TRMT1L: variants seen among roughly 807,000 people sequenced by gnomAD.
TRMT1L encodes the protein tRNA methyltransferase 1L.
In TRMT1L, 28 loss-of-function variants were observed where a neutral mutation model predicts 81.6. The ratio of observed to expected loss-of-function variants is 0.34; its 90% confidence interval spans 0.25 to 0.47. The LOEUF (loss-of-function observed/expected upper bound fraction) is 0.47, where lower values mean the gene tolerates loss of function less well. Ranked by LOEUF, TRMT1L falls within the 20% of genes least tolerant of loss-of-function variation. The probability of loss-of-function intolerance (pLI) is 1.00; values close to 1 mark genes in which losing one functional copy is unlikely to be tolerated. For synonymous variants in TRMT1L, 301 were observed against 303.2 expected, an observed-to-expected ratio of 0.99 and a Z score of 0.07; for missense variants, 739 against 877.1, an observed-to-expected ratio of 0.84 and a Z score of 1.99.
In TRMT1L at chr1:185,139,589, G is replaced by C. The variant is rs781762059; in HGVS notation, c.1110-10C>G. The C allele has an allele frequency of 6.3e-7, 1 of 1,586,754 alleles. No individual in the cohort carries two copies. The stretch of plus-strand genomic sequence containing the variant: ...AAAAGGGTCTAGATGTCTAAAATCA[G>C]AAAGAATATAGACATTTTAAAGTCA... On this transcript the variant is annotated splice_polypyrimidine_tract_variant and intron_variant, in intron 8 of 14. Transcript: ENST00000367506.
intron 3 of TRMT1L, among the ~76,000 whole-genome samples, chr1:185,149,568 T>A (rs924184002): frequency 2.0e-5 from 3 of 152,100 alleles, no homozygotes; most frequent in African/African-American, 7.2e-5. Context: ...CTTCCCAAAG[T>A]GCTGAGATTA....
intron 1 of TRMT1L, among the ~76,000 whole-genome samples, chr1:185,152,232 C>A (rs1653378272): frequency 1.3e-5 from 2 of 152,200 alleles, no homozygotes; most frequent in African/African-American, 2.4e-5. Flanking sequence ...TGTTTTCTAT[C>A]TTCAAAGAAC....
At chr1:185,133,470 G>A (rs892688171) in intron 10 of TRMT1L, among the ~76,000 whole-genome samples, 1 of 152,026 alleles carries the variant, frequency 6.6e-6, no homozygotes, top group African/African-American at 2.4e-5. Flanking sequence ...GTAGGCACTG[G>A]TTCTAGAGAC....
At chr1:185,152,291 G>A (rs764805945) in intron 1 of TRMT1L, among the ~76,000 whole-genome samples, 34 of 152,210 alleles carry the variant, frequency 2.2e-4, no homozygotes, top group Non-Finnish European at 4.3e-4. Flanking sequence ...ACTATCATAT[G>A]AGATAGGATG....
chr1:185,139,661 A>C (rs1000426905), intron 8 of TRMT1L, 82 bp from the exon 9 acceptor site: 1 of 976,104 alleles, frequency 1.0e-6, no homozygotes, highest in Non-Finnish European at 1.5e-6. Flanking sequence ...TAATTATAAA[A>C]TTCCATGGAT....
rs747658286 is a variant in TRMT1L, at chr1:185,156,633, G to C, written c.80C>G (p.Pro27Arg). The C allele has an allele frequency of 6.2e-7, 1 of 1,605,174 alleles. No homozygotes were observed. Among genetic ancestry groups the C allele is most frequent in the Non-Finnish European group, 8.5e-7 (1 of 1,175,978 alleles). Residue 27 changes from proline to arginine, a missense_variant, in exon 1 of 15, where the codon CCG becomes CGG. Pro to Arg is a moderately radical substitution (Grantham distance 103). Transcript: ENST00000367506. ...VEVAQVQVPT[P>R]ARDSAGVPAP... The stretch of plus-strand genomic sequence containing the variant: ...TGGGACCCCAGCCGAGTCCCGGGCC[G>C]GGGTCGGGACCTGGACCTGGGCCAC...
chr1:185,121,425 C>T (rs1652497975), intron 13 of TRMT1L, among the ~76,000 whole-genome samples: 1 of 151,378 alleles, frequency 6.6e-6, no homozygotes, highest in African/African-American at 2.4e-5. Context: ...CTGAGCAACA[C>T]AGTGAGACCC....
intron 10 of TRMT1L, among the ~76,000 whole-genome samples, chr1:185,135,307 T>C (rs981793542): frequency 5.9e-5 from 9 of 151,726 alleles, no homozygotes; most frequent in African/African-American, 1.7e-4. Flanking sequence ...TCACAGCTAC[T>C]TGGGAGGCTG....
At chr1:185,154,956 T>C (rs940289689) in intron 1 of TRMT1L, among the ~76,000 whole-genome samples, 4 of 152,244 alleles carry the variant, frequency 2.6e-5, no homozygotes, top group Admixed American at 2.6e-4. Flanking sequence ...TTTTCAATTC[T>C]ATTTCAGATA....
chr1:185,148,711 T>C lies in TRMT1L; in HGVS notation c.461-1465A>G, dbSNP rs180882518. Among the ~76,000 whole-genome samples, 265 of 152,330 alleles carry C rather than the reference T, an allele frequency of 1.7e-3. 1 individual carries two copies. The highest frequency in any genetic ancestry group is 1.8e-3 in the Non-Finnish European group (121 of 68,024). Reference sequence around the variant, plus strand: ...TAAAGAATATGAGAGATCCTTTTAATTGAAATGAGACCTTTATTTTCCTAA... The same window carrying C: ...TAAAGAATATGAGAGATCCTTTTAACTGAAATGAGACCTTTATTTTCCTAA... On this transcript the variant is annotated intron_variant, in intron 3 of 14. Transcript: ENST00000367506.
chr1:185,129,140 C>T (rs1402018910), intron 10 of TRMT1L, among the ~76,000 whole-genome samples: 2 of 151,862 alleles, frequency 1.3e-5, no homozygotes, highest in Non-Finnish European at 2.9e-5. Context: ...AGGAGAAAGT[C>T]TTATAAAGTT....
At chr1:185,143,691 C>T (rs1212002898) in intron 6 of TRMT1L, among the ~76,000 whole-genome samples, 1 of 152,024 alleles carries the variant, frequency 6.6e-6, no homozygotes. Context: ...CCAGCTTGTT[C>T]AGTAATTATA....
At chr1:185,141,445 T>A (rs1490946105) in intron 7 of TRMT1L, among the ~76,000 whole-genome samples, 3 of 152,146 alleles carry the variant, frequency 2.0e-5, no homozygotes. Flanking sequence ...GGCTCACACA[T>A]GTAATCCCAG....
intron 7 of TRMT1L, among the ~76,000 whole-genome samples, chr1:185,141,153 A>C (rs1653031753): frequency 6.6e-6 from 1 of 152,170 alleles, no homozygotes; most frequent in African/African-American, 2.4e-5. Context: ...TAAACCCCTT[A>C]TGTACTGGAA....
chr1:185,149,328 A>T (rs11588646), intron 3 of TRMT1L, among the ~76,000 whole-genome samples: 1 of 149,014 alleles, frequency 6.7e-6, no homozygotes, highest in African/African-American at 2.5e-5. Flanking sequence ...TTTAAGAAAC[A>T]GAGTCTCACT....
intron 10 of TRMT1L, among the ~76,000 whole-genome samples, chr1:185,131,185 G>C (rs1243874550): frequency 6.6e-6 from 1 of 151,958 alleles, no homozygotes; most frequent in Non-Finnish European, 1.5e-5. Flanking sequence ...ATTTTTAGTA[G>C]AGACAGGGTT....
At chr1:185,137,929 G>T in intron 9 of TRMT1L, 133 bp from the exon 10 acceptor site, 1 of 761,466 alleles carries the variant, frequency 1.3e-6, no homozygotes, top group Non-Finnish European at 2.0e-6. Flanking sequence ...ATTCTCAGTA[G>T]CAGTGCTTTT....
In TRMT1L at chr1:185,139,958, G is replaced by T; in HGVS notation, c.1109+15C>A. On this transcript the variant is annotated intron_variant, in intron 8 of 14. Transcript: ENST00000367506. ...ATAAGTTTAGAAAGTGACACGGCAA[G>T]TCTTTTCTACTTACATGAAATCAAA... The T allele has an allele frequency of 6.3e-7, 1 of 1,596,314 alleles. No homozygotes were observed.
Position 185,156,562 on chromosome 1 carries a change from A to G in TRMT1L, c.151T>C (p.Ser51Pro). ...SALDSAPTPA[S>P]APAPAPALAQ... Reference sequence around the variant, plus strand: ...AGGGCAGGGGCTGGGGCTGGAGCCGAGGCCGGAGTCGGAGCCGAGTCCAGA... The same window carrying G: ...AGGGCAGGGGCTGGGGCTGGAGCCGGGGCCGGAGTCGGAGCCGAGTCCAGA... The change falls in exon 1 of 15, where the codon TCG (serine) becomes CCG (proline). Residue 51 changes from serine (S) to proline (P), a missense_variant. Ser to Pro is a moderately conservative substitution (Grantham distance 74). Coordinates refer to ENST00000367506, the MANE Select transcript of TRMT1L (RefSeq NM_030934.5). The G allele has an allele frequency of 6.2e-7, 1 of 1,601,512 alleles. No homozygotes were observed. Among genetic ancestry groups the G allele is most frequent in the Non-Finnish European group, 8.5e-7 (1 of 1,174,540 alleles).
Sources: gnomAD v4.1 joint callset for allele counts (sites outside exome capture counted in the v4.1 genomes callset) on GRCh38, gnomAD v4.1.1 for gene constraint, MANE v1.5 for transcripts, NCBI Gene and HGNC (gene_info 2026-07-23, HGNC 2026-07-21) for gene names.